Variants in MYH13 observed in about 807,000 individuals in gnomAD.
The protein encoded by MYH13 is myosin heavy chain 13, also known as myosin-13.
MYH13 carries 177 observed loss-of-function variants against 232.1 expected under a neutral mutation model. The observed-to-expected ratio is 0.76, with a 90% CI of 0.67 to 0.86. The LOEUF is 0.86. MYH13 is among the 40% of genes least tolerant of loss of function. The pLI is 0.00. For missense variants in MYH13, 2,246 were observed against 2,405.9 expected, an observed-to-expected ratio of 0.93 and a Z score of 1.39; for synonymous variants, 884 against 923.5, an observed-to-expected ratio of 0.96 and a Z score of 0.78.
intron 27 of MYH13, among the ~76,000 whole-genome samples, chr17:10,317,329 AAAGAG>A (rs1906752333): frequency 6.6e-6 from 1 of 152,204 alleles, no homozygotes; most frequent in Non-Finnish European, 1.5e-5. Flanking sequence ...AGCAGGAAAG[AAAGAG>A]AAAAGGAGTC....
intron 22 of MYH13, among the ~76,000 whole-genome samples, chr17:10,327,443 G>A (rs1907254504): frequency 1.3e-5 from 2 of 152,094 alleles, no homozygotes; most frequent in South Asian, 4.1e-4. Flanking sequence ...ACCACGCCCG[G>A]CCTAAAGCAC....
chr17:10,325,892 G>C (rs1394634784), intron 22 of MYH13, among the ~76,000 whole-genome samples: 1 of 152,084 alleles, frequency 6.6e-6, no homozygotes, highest in Non-Finnish European at 1.5e-5. Context: ...GGCCAGGATG[G>C]TTTCGATCTC....
chr17:10,371,990 C>G (rs931898285), intron 1 of MYH13, among the ~76,000 whole-genome samples: 1 of 152,058 alleles, frequency 6.6e-6, no homozygotes, highest in African/African-American at 2.4e-5. Flanking sequence ...AGCAAACTTC[C>G]CAATTACCAT....
At chr17:10,312,875 A>G (rs1906560491) in intron 30 of MYH13, 118 bp from the exon 31 acceptor site, 9 of 1,232,046 alleles carry the variant, frequency 7.3e-6, no homozygotes, top group Non-Finnish European at 9.9e-6. Flanking sequence ...TGAGACCAAG[A>G]CCTAGGATTT....
intron 29 of MYH13, among the ~76,000 whole-genome samples, chr17:10,314,759 A>G (rs2142225865): frequency 6.6e-6 from 1 of 152,342 alleles, no homozygotes; most frequent in South Asian, 2.1e-4. Context: ...CTGATACTTG[A>G]ATATGAATTG....
intron 13 of MYH13, among the ~76,000 whole-genome samples, chr17:10,346,010 A>G (rs1445241285): frequency 4.3e-5 from 6 of 141,076 alleles, no homozygotes; most frequent in African/African-American, 1.6e-4. Context: ...AAAAAAAAAA[A>G]AAACAAAAGA....
chr17:10,319,404 G>T (rs958505474), intron 26 of MYH13, among the ~76,000 whole-genome samples: 24 of 152,130 alleles, frequency 1.6e-4, no homozygotes, highest in African/African-American at 5.3e-4. Context: ...AGCTACTCGG[G>T]AGGCCGAGGC....
intron 20 of MYH13, among the ~76,000 whole-genome samples, chr17:10,330,871 T>G (rs1463131872): frequency 6.6e-6 from 1 of 151,380 alleles, no homozygotes; most frequent in Admixed American, 6.6e-5. Context: ...ACAAAAATTA[T>G]CCGGGCGTGG....
rs1408437130 is a variant in MYH13 at position 10,324,166 on chromosome 17, CA to C, written c.2789del (p.Leu930TrpfsTer7). The C allele has an allele frequency of 1.2e-5, 20 of 1,613,960 alleles. No homozygotes were observed. Among genetic ancestry groups the C allele is most frequent in the Non-Finnish European group, 1.4e-5 (17 of 1,179,888 alleles). On this transcript the variant is annotated frameshift_variant, in exon 23 of 41. Coordinates refer to ENST00000252172, the MANE Select transcript of MYH13 (RefSeq NM_003802.3). LOFTEE classifies it high-confidence loss of function. The stretch of plus-strand genomic sequence containing the variant: ...CAGAATTCATCTCCTCTTCCTCTTC[CA>C]ATCTCTCCGTCAGCTCCTTGACTTT... ...EAKVKELTER[L>X]EEEEEMNSEL...
At chr17:10,344,153 A>T (rs1391094483) in intron 15 of MYH13, 44 bp from the exon 16 acceptor site, 1 of 1,592,810 alleles carries the variant, frequency 6.3e-7, no homozygotes, top group African/African-American at 1.4e-5. Context: ...GTGCATACCC[A>T]TGCTTCATGG....
Position 10,306,513 on chromosome 17 carries a change from A to G in MYH13, c.5412T>C (p.Ala1804=), listed in dbSNP as rs1269447005. ...TCCCGCCCTTCAGCGCCAGTTGTTC[A>G]GCCTCATCTAGACGGTGCTGCAGGT... ...VKDLQHRLDE[A]EQLALKGGKK... is the part of the protein sequence containing the mutation. Residue 1804 remains alanine (A), a synonymous_variant, in exon 37 of 41, where the codon GCT becomes GCC. Transcript: ENST00000252172. The surrounding 1 kb of genome is among the most constrained non-coding windows in gnomAD (Gnocchi z 4.3). 5.0e-6 allele frequency: 8 copies of G among 1,613,866 alleles called. No homozygotes were observed. Among genetic ancestry groups the G allele is most frequent in the South Asian group, 1.1e-5 (1 of 91,062 alleles).
rs1906499921 is a variant in MYH13 at position 10,311,241 on chromosome 17, G to A, written c.4532-14C>T. 6.2e-7 allele frequency: 1 copy of A among 1,613,704 alleles called. No individual in the cohort carries two copies. The highest frequency in any genetic ancestry group is 8.5e-7 in the Non-Finnish European group (1 of 1,179,842). On this transcript the variant is annotated splice_polypyrimidine_tract_variant and intron_variant, in intron 32 of 40. Transcript: ENST00000252172. The stretch of plus-strand genomic sequence containing the variant: ...CGGAAATCTCTTCTGCAAAGGACAG[G>A]CTTGATTTAGGCTGTTTCAACAGGC...
chr17:10,366,913 T>C (rs1268186095), intron 2 of MYH13, among the ~76,000 whole-genome samples: 3 of 152,250 alleles, frequency 2.0e-5, no homozygotes, highest in Non-Finnish European at 4.4e-5. Flanking sequence ...ATTTTAGTTA[T>C]ACTTTGTTCA....
At chr17:10,360,610 G>C (rs2071784305) in intron 5 of MYH13, among the ~76,000 whole-genome samples, 1 of 152,108 alleles carries the variant, frequency 6.6e-6, no homozygotes, top group South Asian at 2.1e-4. Flanking sequence ...CCTTCTACTT[G>C]TGAAAAGTGA....
chr17:10,345,617 C>G lies in MYH13; in HGVS notation c.1264-1G>C. 1 of 1,614,132 alleles carries G rather than the reference C, an allele frequency of 6.2e-7. No individual in the cohort carries two copies. Among genetic ancestry groups the G allele is most frequent in the Non-Finnish European group, 8.5e-7 (1 of 1,180,020 alleles). On this transcript the variant is annotated splice_acceptor_variant, in intron 13 of 40. Transcript: ENST00000252172. LOFTEE classifies it high-confidence loss of function. ...CCAGAGCACCCACCGAATTGGTCAC[C>G]TTGAAAAAGGATCACCCACTCAACC...
chr17:10,355,477 A>G (rs561497139), intron 8 of MYH13, among the ~76,000 whole-genome samples: 32 of 152,226 alleles, frequency 2.1e-4, no homozygotes, highest in Non-Finnish European at 4.4e-4. Context: ...TCCGTAAACA[A>G]ACAAATAAAT....
intron 22 of MYH13, among the ~76,000 whole-genome samples, chr17:10,327,630 G>A (rs535061693): frequency 6.6e-6 from 1 of 152,226 alleles, no homozygotes; most frequent in East Asian, 1.9e-4. Context: ...GCGATGACGG[G>A]GAGAAATCAG....
intron 5 of MYH13, among the ~76,000 whole-genome samples, chr17:10,361,016 A>T (rs551314710): frequency 5.3e-4 from 80 of 152,284 alleles, no homozygotes; most frequent in Non-Finnish European, 9.9e-4. Flanking sequence ...TGACACCTTG[A>T]CTTCGGACTT....
intron 11 of MYH13, 30 bp from the exon 12 acceptor site, chr17:10,350,724 G>T: frequency 6.2e-7 from 1 of 1,613,124 alleles, no homozygotes; most frequent in Middle Eastern, 1.7e-4. Flanking sequence ...AACTGTCATA[G>T]CAGGAATCAG....
Sources: allele counts gnomAD v4.1 joint callset (sites outside exome capture counted in the v4.1 genomes callset), GRCh38; gene constraint gnomAD v4.1.1; non-coding constraint Gnocchi (gnomAD v3.1); transcripts MANE v1.5; gene names NCBI Gene and HGNC (gene_info 2026-07-23, HGNC 2026-07-21).